Variants in OPCML observed in about 807,000 individuals in gnomAD.
OPCML encodes opioid-binding protein/cell adhesion molecule.
In OPCML, 13 loss-of-function variants were observed where a neutral mutation model predicts 37.8. The ratio of observed to expected loss-of-function variants is 0.34; its 90% confidence interval spans 0.22 to 0.55. OPCML has a LOEUF of 0.55. OPCML is among the 20% of genes least tolerant of loss of function. OPCML has a pLI of 0.91. For missense variants in OPCML, 341 were observed against 435.6 expected, an observed-to-expected ratio of 0.78 and a Z score of 1.93; for synonymous variants, 176 against 168.8, an observed-to-expected ratio of 1.04 and a Z score of -0.33.
intron 3 of OPCML, among the ~76,000 whole-genome samples, chr11:132,568,118 G>GT (rs1482381686): frequency 3.3e-5 from 5 of 151,812 alleles, no homozygotes; most frequent in Non-Finnish European, 5.9e-5. Flanking sequence ...GCACCAAAAC[G>GT]TATGTCATGG....
intron 3 of OPCML, among the ~76,000 whole-genome samples, chr11:132,638,959 G>A (rs1420665016): frequency 1.3e-5 from 2 of 152,224 alleles, no homozygotes; most frequent in East Asian, 1.9e-4. Context: ...TTTTTTCTGC[G>A]CAGCGGGTAG....
At chr11:132,816,696 C>A (rs1408888133) in intron 2 of OPCML, among the ~76,000 whole-genome samples, 1 of 152,088 alleles carries the variant, frequency 6.6e-6, no homozygotes, top group Non-Finnish European at 1.5e-5. Context: ...AGTTTTTGGT[C>A]CGTTGTGGGA....
At chr11:133,357,676 C>T (rs552255296) in intron 1 of OPCML, among the ~76,000 whole-genome samples, 1 of 152,254 alleles carries the variant, frequency 6.6e-6, no homozygotes, top group Non-Finnish European at 1.5e-5. Context: ...AAATTAGCTG[C>T]TGTGATGATT....
chr11:133,083,066 C>A (rs1431487277), intron 1 of OPCML, among the ~76,000 whole-genome samples: 1 of 98,672 alleles, frequency 1.0e-5, no homozygotes, highest in Non-Finnish European at 2.5e-5. Context: ...ACAGGGCACC[C>A]GCCCGGAAAC....
At chr11:133,168,948 G>A (rs1950251205) in intron 1 of OPCML, among the ~76,000 whole-genome samples, 1 of 152,098 alleles carries the variant, frequency 6.6e-6, no homozygotes, top group Non-Finnish European at 1.5e-5. Flanking sequence ...GACCAATATG[G>A]TGAAACACTG....
chr11:133,025,701 A>G lies in OPCML; in HGVS notation c.62-82691T>C, dbSNP rs1448908153. On this transcript the variant is annotated intron_variant, in intron 1 of 7. Coordinates refer to ENST00000524381, the MANE Select transcript of OPCML (RefSeq NM_001012393.5). The stretch of plus-strand genomic sequence containing the variant: ...CTCCTGAGTAGTTGAGATTATGGGC[A>G]TGAGCCAAGGTGCCTGCCGATTTGA... 3.4e-5 allele frequency among the ~76,000 whole-genome samples: 5 copies of G among 148,754 alleles called. No individual in the cohort carries two copies. The East Asian group carries it at 7.9e-4, about 24-fold the overall frequency.
At chr11:133,423,004 T>G in intron 1 of OPCML, 1 of 985,398 alleles carries the variant, frequency 1.0e-6, no homozygotes, top group Non-Finnish European at 1.2e-6. Context: ...TACTTCCTTC[T>G]TCCTTCTCCA....
chr11:133,516,542 A>G (rs1210710911), intron 1 of OPCML, among the ~76,000 whole-genome samples: 1 of 152,140 alleles, frequency 6.6e-6, no homozygotes, highest in Admixed American at 6.5e-5. Flanking sequence ...GTGTATCTCC[A>G]TGAATGAGTT....
intron 2 of OPCML, among the ~76,000 whole-genome samples, chr11:132,796,164 T>C (rs1173553954): frequency 1.3e-5 from 2 of 152,202 alleles, no homozygotes; most frequent in African/African-American, 4.8e-5. Context: ...TCCCAGAGTT[T>C]GGTATCTGCA....
At chr11:133,295,984 TC>T (rs1296170953) in intron 1 of OPCML, among the ~76,000 whole-genome samples, 1 of 152,244 alleles carries the variant, frequency 6.6e-6, no homozygotes, top group African/African-American at 2.4e-5. Flanking sequence ...TTAATGATCA[TC>T]TATTTTTGGT....
intron 1 of OPCML, among the ~76,000 whole-genome samples, chr11:133,264,099 A>G (rs6590684): frequency 0.64 from 97,063 of 152,126 alleles, 32,886 homozygotes; most frequent in East Asian, 0.91. Flanking sequence ...ATATTGAAAA[A>G]CAGAAAGAAA....
At chr11:132,842,539 G>A (rs2136306265) in intron 2 of OPCML, among the ~76,000 whole-genome samples, 1 of 152,260 alleles carries the variant, frequency 6.6e-6, no homozygotes, top group East Asian at 1.9e-4. Context: ...CAGCCCTAAG[G>A]GAAAACCCTG....
intron 2 of OPCML, among the ~76,000 whole-genome samples, chr11:132,865,186 G>A (rs1177173112): frequency 1.3e-5 from 2 of 152,126 alleles, no homozygotes; most frequent in South Asian, 2.1e-4. Flanking sequence ...ACACACATAC[G>A]CGCGCACGCA....
intron 3 of OPCML, among the ~76,000 whole-genome samples, chr11:132,627,126 A>G (rs760645826): frequency 2.0e-5 from 3 of 152,132 alleles, no homozygotes; most frequent in Admixed American, 6.6e-5. Flanking sequence ...AATTGCTTAC[A>G]AAACTTAGGA....
At chr11:132,443,403 T>G (rs1451350736) in intron 4 of OPCML, among the ~76,000 whole-genome samples, 3 of 152,186 alleles carry the variant, frequency 2.0e-5, no homozygotes, top group Admixed American at 6.5e-5. Context: ...CTCACATGGT[T>G]GGGTTTCTGG....
chr11:132,920,442 G>A (rs1370426402), intron 2 of OPCML, among the ~76,000 whole-genome samples: 2 of 152,176 alleles, frequency 1.3e-5, no homozygotes, highest in African/African-American at 4.8e-5. Flanking sequence ...GCGGGAGAGG[G>A]CAAAAGAGCA....
chr11:133,329,401 G>A (rs1232271837), intron 1 of OPCML, among the ~76,000 whole-genome samples: 2 of 152,204 alleles, frequency 1.3e-5, no homozygotes, highest in East Asian at 1.9e-4. Context: ...AAAGAACAAA[G>A]CTGGAGGCAT....
chr11:133,321,379 G>A lies in OPCML; in HGVS notation c.61+210885C>T, dbSNP rs1470795535. The stretch of plus-strand genomic sequence containing the variant: ...CTAAGCAGCTCTACAAAAGAGCATT[G>A]ATTTTGGTTAAATTGATTTCATTCA... On this transcript the variant is annotated intron_variant, in intron 1 of 7. Coordinates refer to ENST00000524381, the MANE Select transcript of OPCML (RefSeq NM_001012393.5). 3.3e-5 allele frequency among the ~76,000 whole-genome samples: 5 copies of A among 152,124 alleles called. No homozygotes were observed. The East Asian group carries it at 9.7e-4, about 29-fold the overall frequency.
At chr11:132,902,845 C>G (rs1944109208) in intron 2 of OPCML, among the ~76,000 whole-genome samples, 1 of 152,148 alleles carries the variant, frequency 6.6e-6, no homozygotes, top group Non-Finnish European at 1.5e-5. Flanking sequence ...GTTGTCACCA[C>G]ACCCAGATAG....
Sources: gnomAD v4.1 joint callset for allele counts (sites outside exome capture counted in the v4.1 genomes callset) on GRCh38, gnomAD v4.1.1 for gene constraint, MANE v1.5 for transcripts, NCBI Gene and HGNC (gene_info 2026-07-23, HGNC 2026-07-21) for gene names.